The following CDYL2 variants were observed in gnomAD, a reference collection of about 807,000 sequenced individuals.
CDYL2 encodes chromodomain Y like 2, also known as chromodomain Y-like protein 2.
A neutral mutation model predicts 49.4 loss-of-function variants in CDYL2; 23 were observed. The observed-to-expected ratio is 0.47, with a 90% confidence interval of 0.34 to 0.66. The LOEUF (loss-of-function observed/expected upper bound fraction) is 0.66, where lower values mean the gene tolerates loss of function less well. Among genes scored for constraint, CDYL2 ranks in the 30% least tolerant of loss-of-function variants. CDYL2 has a pLI of 0.01. For missense variants in CDYL2, 678 were observed against 656.4 expected, an observed-to-expected ratio of 1.03 and a Z score of -0.36; for synonymous variants, 360 against 268.8, an observed-to-expected ratio of 1.34 and a Z score of -3.32.
intron 2 of CDYL2, among the ~76,000 whole-genome samples, chr16:80,657,868 T>C (rs1392873224): frequency 6.6e-6 from 1 of 152,126 alleles, no homozygotes; most frequent in Non-Finnish European, 1.5e-5. Context: ...TGTAGCTTTA[T>C]CTATAACTGC....
chr16:80,758,981 T>C (rs1045849845), intron 1 of CDYL2, among the ~76,000 whole-genome samples: 2 of 151,228 alleles, frequency 1.3e-5, no homozygotes, highest in East Asian at 3.9e-4. Flanking sequence ...TGTAGAAAAA[T>C]ATCTGACCCA....
At chr16:80,705,572 G>C (rs970653868) in intron 1 of CDYL2, among the ~76,000 whole-genome samples, 9 of 152,240 alleles carry the variant, frequency 5.9e-5, no homozygotes, top group African/African-American at 1.9e-4. Flanking sequence ...ACAAAGATCT[G>C]TTGCAGGCCT....
chr16:80,712,215 A>ATATATATATATG lies in CDYL2; in HGVS notation c.25-27087_25-27086insCATATATATATA, dbSNP rs763194077. Among the ~76,000 whole-genome samples, 619 of 128,328 alleles carry ATATATATATATG rather than the reference A, an allele frequency of 4.8e-3. 4 individuals carry two copies. The highest frequency in any genetic ancestry group is 0.015 in the African/African-American group (573 of 37,744). 84.2% of individuals were successfully genotyped at this position (128,328 alleles called of 152,430 possible). On this transcript the variant is annotated intron_variant, in intron 1 of 6. Coordinates refer to ENST00000570137, the MANE Select transcript of CDYL2 (RefSeq NM_152342.4). ...TGTATATATATATATATATATATAT[A>ATATATATATATG]TCTCCAAACCACTGCTCACTGTGAT...
At chr16:80,613,762 G>C (rs1906706120) in intron 4 of CDYL2, among the ~76,000 whole-genome samples, 1 of 152,208 alleles carries the variant, frequency 6.6e-6, no homozygotes, top group Non-Finnish European at 1.5e-5. Context: ...ATGGAGGAAA[G>C]ACACAAGATG....
chr16:80,736,180 G>A (rs1477525590), intron 1 of CDYL2, among the ~76,000 whole-genome samples: 1 of 152,212 alleles, frequency 6.6e-6, no homozygotes. Context: ...GAACCTAACT[G>A]CAAATGGTGA....
chr16:80,759,124 A>ATATATATATATATATATATATGGTTTT (rs1567597509), intron 1 of CDYL2, among the ~76,000 whole-genome samples: 71 of 133,192 alleles, frequency 5.3e-4, no homozygotes, highest in African/African-American at 2.0e-3. Flanking sequence ...ATATATATAT[A>ATATATATATATATATATATATGGTTTT]TATATATATA....
At chr16:80,767,383 C>T (rs1039594244) in intron 1 of CDYL2, among the ~76,000 whole-genome samples, 6 of 152,112 alleles carry the variant, frequency 3.9e-5, no homozygotes, top group Non-Finnish European at 8.8e-5. Flanking sequence ...GGAAGGAGAG[C>T]TTAATTTCAG....
At chr16:80,680,519 G>A (rs998980702) in intron 2 of CDYL2, among the ~76,000 whole-genome samples, 4 of 152,130 alleles carry the variant, frequency 2.6e-5, no homozygotes, top group Admixed American at 6.5e-5. Context: ...CTGTTTAGAC[G>A]AGTGCTAAGC....
chr16:80,720,049 C>A (rs1904946580), intron 1 of CDYL2, among the ~76,000 whole-genome samples: 1 of 152,202 alleles, frequency 6.6e-6, no homozygotes. Context: ...TGTAAAGCCA[C>A]CAGCCTTTAG....
intron 6 of CDYL2, among the ~76,000 whole-genome samples, chr16:80,606,358 C>CTGTA (rs1263606114): frequency 2.0e-5 from 3 of 152,226 alleles, no homozygotes; most frequent in African/African-American, 7.2e-5. Flanking sequence ...TCCTAAGAGC[C>CTGTA]TGTACCCTCA....
chr16:80,712,187 G>GTATATATATATATATATATATATATATA lies in CDYL2; in HGVS notation c.25-27059_25-27058insTATATATATATATATATATATATATATA, dbSNP rs1464649825. Among the ~76,000 whole-genome samples, 4 of 38,094 alleles carry GTATATATATATATATATATATATATATA rather than the reference G, an allele frequency of 1.1e-4. No homozygotes were observed. In the East Asian group the frequency reaches 2.5e-3, roughly 23 times the overall value. 25.0% of individuals were successfully genotyped at this position (38,094 alleles called of 152,430 possible). On this transcript the variant is annotated intron_variant, in intron 1 of 6. Transcript: ENST00000570137. ...TATATATATGTGTCTTTGTGTCTGT[G>GTATATATATATATATATATATATATATA]TGTGTATATATATATATATATATAT...
chr16:80,754,116 G>C (rs1337307367), intron 1 of CDYL2, among the ~76,000 whole-genome samples: 1 of 152,268 alleles, frequency 6.6e-6, no homozygotes, highest in African/African-American at 2.4e-5. Context: ...TATTTTACAA[G>C]CTCAACACAA....
At chr16:80,736,403 ACTAATTTTTAATTTACGAAGC>A (rs1399378521) in intron 1 of CDYL2, 1 of 152,230 alleles carries the variant, frequency 6.6e-6, no homozygotes, top group African/African-American at 2.4e-5. Flanking sequence ...TTTTCAAGTT[ACTAATTTTTAATTTACGAAGC>A]CCTTATGTGC....
intron 1 of CDYL2, among the ~76,000 whole-genome samples, chr16:80,713,645 G>A (rs1429124928): frequency 6.6e-6 from 1 of 152,128 alleles, no homozygotes; most frequent in Non-Finnish European, 1.5e-5. Context: ...TTCTAATAAT[G>A]TGACCTTGCT....
intron 2 of CDYL2, among the ~76,000 whole-genome samples, chr16:80,678,418 A>G (rs1179566972): frequency 5.9e-5 from 9 of 152,138 alleles, no homozygotes; most frequent in Admixed American, 5.9e-4. Flanking sequence ...TTTACAAGAG[A>G]AAAACAAACA....
At chr16:80,776,808 A>C (rs1597128569) in intron 1 of CDYL2, among the ~76,000 whole-genome samples, 1 of 151,692 alleles carries the variant, frequency 6.6e-6, no homozygotes, top group South Asian at 2.1e-4. Flanking sequence ...ATGCATACGT[A>C]TATATTACAA....
intron 1 of CDYL2, among the ~76,000 whole-genome samples, chr16:80,753,085 T>C (rs759634441): frequency 7.9e-5 from 12 of 151,894 alleles, no homozygotes; most frequent in Non-Finnish European, 1.8e-4. Context: ...AGGGAAAAAA[T>C]GGTGTAATGC....
intron 1 of CDYL2, among the ~76,000 whole-genome samples, chr16:80,801,147 C>T (rs1310481420): frequency 6.6e-6 from 1 of 152,220 alleles, no homozygotes. Flanking sequence ...TAAGAAATTT[C>T]ACTTTCGATC....
chr16:80,712,215 A>ATATATATATATATATATATATATATCTC (rs763194077), intron 1 of CDYL2, among the ~76,000 whole-genome samples: 11 of 128,372 alleles, frequency 8.6e-5, no homozygotes, highest in Non-Finnish European at 1.6e-4. Context: ...ATATATATAT[A>ATATATATATATATATATATATATATCTC]TCTCCAAACC....
Sources: allele counts gnomAD v4.1 joint callset (sites outside exome capture counted in the v4.1 genomes callset), GRCh38; gene constraint gnomAD v4.1.1; transcripts MANE v1.5; gene names NCBI Gene and HGNC (gene_info 2026-07-23, HGNC 2026-07-21).